Variants in TENM3 observed in about 807,000 individuals in gnomAD.
TENM3 encodes the protein teneurin-3.
TENM3 carries 63 observed loss-of-function variants against 255.1 expected under a neutral mutation model. That is an observed-to-expected ratio of 0.25 (90% confidence interval 0.20 to 0.30). The LOEUF (loss-of-function observed/expected upper bound fraction) is 0.30, where lower values mean the gene tolerates loss of function less well. Among genes scored for constraint, TENM3 ranks in the 10% least tolerant of loss-of-function variants. The pLI is 1.00. For missense variants in TENM3, 2,929 were observed against 3,461.1 expected (o/e 0.85, Z 3.86); for synonymous variants, 1,306 against 1,322.3 (o/e 0.99, Z 0.27).
At chr4:181,754,636 A>T in the TENM3 span, among the ~76,000 whole-genome samples, 1 of 152,138 alleles carries the variant, frequency 6.6e-6, no homozygotes, top group South Asian at 2.1e-4. Flanking sequence ...TACTAAGCCA[A>T]TCTGGATTGG....
chr4:181,622,864 G>A, the TENM3 span, among the ~76,000 whole-genome samples: 2 of 152,084 alleles, frequency 1.3e-5, no homozygotes, highest in Non-Finnish European at 2.9e-5. Flanking sequence ...TAGGTACCGA[G>A]TGAAGTCATT....
At chr4:182,060,169 T>G in the TENM3 span, among the ~76,000 whole-genome samples, 2 of 151,962 alleles carry the variant, frequency 1.3e-5, no homozygotes, top group Non-Finnish European at 2.9e-5. Flanking sequence ...TCCAGGAGTT[T>G]GAGGTTACAG....
the TENM3 span, among the ~76,000 whole-genome samples, chr4:182,020,615 A>C: frequency 6.6e-6 from 1 of 152,184 alleles, no homozygotes; most frequent in Non-Finnish European, 1.5e-5. Flanking sequence ...CCCTGATTTG[A>C]TCACTATACA....
At chr4:182,012,554 T>A in the TENM3 span, 1 of 152,214 alleles carries the variant, frequency 6.6e-6, no homozygotes, top group East Asian at 1.9e-4. Flanking sequence ...CACTAAAGTC[T>A]GGAGAAACAA....
chr4:181,774,208 T>G, the TENM3 span, among the ~76,000 whole-genome samples: 1 of 72,478 alleles, frequency 1.4e-5, no homozygotes, highest in African/African-American at 6.2e-5. Context: ...GATATTCCCC[T>G]TCCTGTGTCC....
intron 1 of TENM3, among the ~76,000 whole-genome samples, chr4:182,188,157 T>A (rs1229007440): frequency 6.6e-5 from 10 of 152,208 alleles, no homozygotes; most frequent in Admixed American, 6.5e-4. Flanking sequence ...ATATATTTCA[T>A]TCCGCCTCAC....
chr4:182,171,921 T>G (rs1357687321), intron 1 of TENM3, among the ~76,000 whole-genome samples: 1 of 152,080 alleles, frequency 6.6e-6, no homozygotes, highest in Non-Finnish European at 1.5e-5. Context: ...CTTTGATTTT[T>G]TTTTTCTTCT....
At chr4:181,743,004 A>G in the TENM3 span, among the ~76,000 whole-genome samples, 5,374 of 151,700 alleles carry the variant, frequency 0.035, 143 homozygotes, top group Middle Eastern at 0.12. Context: ...AAGAACATGA[A>G]CTCATCATTT....
the TENM3 span, among the ~76,000 whole-genome samples, chr4:181,605,551 A>AG: frequency 2.2e-4 from 6 of 27,312 alleles, 1 homozygote; most frequent in African/African-American, 3.8e-4. Context: ...AGAAAGAAAG[A>AG]AAGAAAGAAA....
the TENM3 span, among the ~76,000 whole-genome samples, chr4:181,494,093 C>A: frequency 1.3e-5 from 2 of 152,086 alleles, no homozygotes; most frequent in Non-Finnish European, 2.9e-5. Flanking sequence ...GGCACAGAGC[C>A]ATTAAGTAAC....
At chr4:181,475,456 T>A in the TENM3 span, among the ~76,000 whole-genome samples, 2 of 152,214 alleles carry the variant, frequency 1.3e-5, no homozygotes, top group African/African-American at 4.8e-5. Context: ...AGTAGAGATG[T>A]CTATAGAATA....
the TENM3 span, among the ~76,000 whole-genome samples, chr4:181,633,376 A>G: frequency 6.6e-6 from 1 of 152,202 alleles, no homozygotes; most frequent in Admixed American, 6.5e-5. Flanking sequence ...GAGCTGCGGT[A>G]TACAAGAGGA....
At position 182,673,064 on chromosome 4, in the gene TENM3, G is replaced by C. The variant is rs1170999381; in HGVS notation, c.1171G>C (p.Gly391Arg). ...NTIDSGELDI[G>R]RRAIQEIPPG... ...CATAGATTCCGGAGAACTTGATATT[G>C]GCCGAAGAGCAATTCAAGAGATTCC... Residue 391 changes from glycine (G) to arginine (R), a missense_variant, in exon 7 of 28, where the codon GGC becomes CGC. Gly to Arg is a moderately radical substitution (Grantham distance 125, BLOSUM62 -2). This residue lies in a region of TENM3 where 1,608 missense variants were observed against 1,884.4 expected (regional missense o/e 0.85). Coordinates refer to ENST00000511685, the MANE Select transcript of TENM3 (RefSeq NM_001080477.4). 1.2e-6 allele frequency: 2 copies of C among 1,609,510 alleles called. No individual in the cohort carries two copies. Among genetic ancestry groups the C allele is most frequent in the Non-Finnish European group, 1.7e-6 (2 of 1,177,514 alleles).
At chr4:182,356,951 AGT>A (rs544111686) in intron 3 of TENM3, among the ~76,000 whole-genome samples, 70 of 146,192 alleles carry the variant, frequency 4.8e-4, no homozygotes, top group African/African-American at 1.5e-3. Context: ...CTCACCTATG[AGT>A]GAGAATATGC....
At chr4:182,448,784 C>T (rs755428540) in intron 3 of TENM3, among the ~76,000 whole-genome samples, 61 of 151,196 alleles carry the variant, frequency 4.0e-4, no homozygotes, top group Non-Finnish European at 6.6e-4. Flanking sequence ...AGGCCCCGGC[C>T]CGCGTGTGTG....
chr4:182,201,653 G>T (rs1436122476), intron 1 of TENM3, among the ~76,000 whole-genome samples: 2 of 151,870 alleles, frequency 1.3e-5, no homozygotes, highest in Non-Finnish European at 2.9e-5. Flanking sequence ...GGGGTCTGAA[G>T]TTATTCCCAT....
At chr4:182,736,503 G>A (rs182308017) in intron 16 of TENM3, among the ~76,000 whole-genome samples, 1 of 152,208 alleles carries the variant, frequency 6.6e-6, no homozygotes, top group Admixed American at 6.5e-5. Context: ...AGCACCCGAG[G>A]TATGATTAAC....
intron 1 of TENM3, among the ~76,000 whole-genome samples, chr4:182,295,295 T>A (rs1367607163): frequency 7.7e-6 from 1 of 129,504 alleles, no homozygotes; most frequent in Non-Finnish European, 1.6e-5. Context: ...TGAGACGGAG[T>A]CTCACTCTGT....
At chr4:182,161,519 G>A (rs1273215694) in intron 1 of TENM3, among the ~76,000 whole-genome samples, 33 of 144,948 alleles carry the variant, frequency 2.3e-4, no homozygotes, top group Admixed American at 2.1e-3. Context: ...CCTGGGAGGT[G>A]GAGGTTGCAA....
Sources: gnomAD v4.1 joint callset for allele counts (sites outside exome capture counted in the v4.1 genomes callset) on GRCh38, gnomAD v4.1.1 for gene constraint, gnomAD v4.1.1 regional missense constraint, MANE v1.5 for transcripts, NCBI Gene and HGNC (gene_info 2026-07-23, HGNC 2026-07-21) for gene names.